Variants in ZNF83 observed in about 807,000 individuals in gnomAD.
ZNF83 encodes zinc finger protein 816B.
For synonymous variants in ZNF83, 209 were observed against 213.0 expected, an observed-to-expected ratio of 0.98 and a Z score of 0.17; for missense variants, 552 against 629.9, an observed-to-expected ratio of 0.88 and a Z score of 1.32.
chr19:52,668,352 C>A (rs542060427), intron 1 of ZNF83, among the ~76,000 whole-genome samples: 2 of 152,192 alleles, frequency 1.3e-5, no homozygotes, highest in South Asian at 4.2e-4. Flanking sequence ...TGGATCAAGC[C>A]CTACCAAATT....
intron 1 of ZNF83, among the ~76,000 whole-genome samples, chr19:52,663,963 T>G (rs921767500): frequency 2.6e-5 from 4 of 152,210 alleles, no homozygotes; most frequent in Admixed American, 1.3e-4. Context: ...CTCGGCTCAC[T>G]GCAACCTCCA....
chr19:52,655,246 T>C (rs2061490522), intron 3 of ZNF83: 1 of 286,314 alleles, frequency 3.5e-6, no homozygotes. Context: ...GTCACTGTCA[T>C]GCTTTCTAGC....
chr19:52,674,227 T>C (rs77958251), intron 1 of ZNF83: 19,948 of 152,046 alleles, frequency 0.13, 1,395 homozygotes, highest in African/African-American at 0.14. Flanking sequence ...TGTGAAGACT[T>C]AGGACCATCC....
At chr19:52,690,418 C>T (rs536320125) in intron 1 of ZNF83, 42 of 174,398 alleles carry the variant, frequency 2.4e-4, no homozygotes, top group African/African-American at 8.6e-4. Flanking sequence ...GAAATGCAGA[C>T]TTAATACAAA....
At chr19:52,660,122 GGTGGTAAGAATCA>G (rs2061560089) in intron 2 of ZNF83, among the ~76,000 whole-genome samples, 1 of 69,860 alleles carries the variant, frequency 1.4e-5, no homozygotes, top group Admixed American at 2.2e-4. Context: ...GTAAGACCAT[GGTGGTAAGAATCA>G]TGGTGGTAAG....
chr19:52,644,182 T>C (rs577452707), intron 3 of ZNF83, among the ~76,000 whole-genome samples: 1 of 124,258 alleles, frequency 8.0e-6, no homozygotes, highest in East Asian at 1.9e-4. Context: ...CATTCTTCTT[T>C]TTTTTTTTTT....
chr19:52,680,941 C>A (rs1266629341), intron 1 of ZNF83, among the ~76,000 whole-genome samples: 1 of 151,736 alleles, frequency 6.6e-6, no homozygotes, highest in Non-Finnish European at 1.5e-5. Flanking sequence ...TCCCTTAAGT[C>A]ACTGTGGATG....
chr19:52,637,286 CCT>C (rs1185855866), intron 1 of ZNF83, among the ~76,000 whole-genome samples: 9 of 152,234 alleles, frequency 5.9e-5, no homozygotes, highest in South Asian at 4.1e-4. Context: ...TGTTATACCC[CCT>C]GTCCCCAATA....
At chr19:52,657,993 G>A (rs996085682) in intron 2 of ZNF83, among the ~76,000 whole-genome samples, 7 of 151,646 alleles carry the variant, frequency 4.6e-5, no homozygotes, top group Admixed American at 3.3e-4. Context: ...AAAATTAGCC[G>A]GGTATGGTGA....
At chr19:52,669,410 C>A (rs764734541) in intron 1 of ZNF83, among the ~76,000 whole-genome samples, 5 of 152,156 alleles carry the variant, frequency 3.3e-5, no homozygotes, top group Non-Finnish European at 7.3e-5. Context: ...TCTATGACAA[C>A]CAACAGCTAT....
In ZNF83 at chr19:52,647,116, G is replaced by GA. The variant is rs572729357; in HGVS notation, c.-74+8444_-74+8445insT. Among the ~76,000 whole-genome samples, 1,407 of 152,074 alleles carry GA rather than the reference G, an allele frequency of 9.3e-3. 21 individuals carry two copies. Among genetic ancestry groups the GA allele is most frequent in the African/African-American group, 0.031 (1,284 of 41,458 alleles). The stretch of plus-strand genomic sequence containing the variant: ...CCCACATTATGTAATAACAGAAAGT[G>GA]GTTTTTTTCCCACCTCACCGCCCCA... On this transcript the variant is annotated intron_variant, in intron 3 of 5. Coordinates refer to the ZNF83 transcript ENST00000594682.
At position 52,624,640 on chromosome 19, in the gene ZNF83, G is replaced by A. The variant is rs538009692; in HGVS notation, c.-233-9843C>T. Reference sequence around the variant, plus strand: ...CCAACCCTTTTCACTACACACAGCCGAAGTGCAGGGTTGTGCAGTCGGAAT... The same window carrying A: ...CCAACCCTTTTCACTACACACAGCCAAAGTGCAGGGTTGTGCAGTCGGAAT... On this transcript the variant is annotated intron_variant, in intron 2 of 2. Transcript: ENST00000301096. Among the ~76,000 whole-genome samples the A allele has an allele frequency of 6.3e-4, 96 of 152,234 alleles. 3 individuals are homozygous for A. The South Asian group carries it at 0.016, about 26-fold the overall frequency.
At chr19:52,673,500 T>TCACA (rs3055356) in intron 1 of ZNF83, among the ~76,000 whole-genome samples, 91 of 148,898 alleles carry the variant, frequency 6.1e-4, no homozygotes, top group East Asian at 2.0e-3. Context: ...TGTAACTCCA[T>TCACA]CACACACACA....
At chr19:52,654,186 AG>A in intron 3 of ZNF83, 1 of 1,600,316 alleles carries the variant, frequency 6.2e-7, no homozygotes, top group South Asian at 1.1e-5. Flanking sequence ...CTGTACTACC[AG>A]TCAACTTTTT....
upstream of ZNF83, among the ~76,000 whole-genome samples, chr19:52,642,041 AG>A (rs2050057769): frequency 6.6e-6 from 1 of 152,138 alleles, no homozygotes; most frequent in African/African-American, 2.4e-5. Context: ...GTAGAGGAAT[AG>A]TCACTTATGC....
At chr19:52,651,682 TC>T (rs1568564563) in intron 3 of ZNF83, 1 of 39,878 alleles carries the variant, frequency 2.5e-5, no homozygotes, top group South Asian at 6.2e-4. Flanking sequence ...AGACTCTGTC[TC>T]AAAAAAAAAA....
upstream of ZNF83, among the ~76,000 whole-genome samples, chr19:52,639,415 ATTTT>A (rs1160711365): frequency 2.4e-4 from 21 of 86,312 alleles, no homozygotes; most frequent in South Asian, 5.2e-3. Flanking sequence ...AGTTTTTTCT[ATTTT>A]TTTTTTTTTT....
chr19:52,647,490 C>G (rs1465313328), intron 3 of ZNF83, among the ~76,000 whole-genome samples: 1 of 151,982 alleles, frequency 6.6e-6, no homozygotes, highest in East Asian at 1.9e-4. Context: ...CTATGTTACC[C>G]ACACTGGTCT....
chr19:52,640,346 A>G (rs2061284570), upstream of ZNF83, among the ~76,000 whole-genome samples: 1 of 152,182 alleles, frequency 6.6e-6, no homozygotes, highest in Non-Finnish European at 1.5e-5. Flanking sequence ...GGAAAGACAG[A>G]GAATCTTTAG....
Sources: allele counts gnomAD v4.1 joint callset (sites outside exome capture counted in the v4.1 genomes callset), GRCh38; gene constraint gnomAD v4.1.1; transcripts MANE v1.5; gene names NCBI Gene and HGNC (gene_info 2026-07-23, HGNC 2026-07-21).